The following STK10 variants were observed in gnomAD, a reference collection of about 807,000 sequenced individuals.
The protein encoded by STK10 is serine/threonine kinase 10.
A neutral mutation model predicts 113.8 loss-of-function variants in STK10; 78 were observed. That is an observed-to-expected ratio of 0.69 (90% CI 0.57 to 0.83). The LOEUF (loss-of-function observed/expected upper bound fraction) is 0.83. STK10 is among the 40% of genes least tolerant of loss of function. The probability of loss-of-function intolerance (pLI) is 0.00; values close to 1 mark genes in which losing one functional copy is unlikely to be tolerated. For missense variants in STK10, 1,109 were observed against 1,280.1 expected (o/e 0.87, Z 2.04); for synonymous variants, 465 against 494.7 (o/e 0.94, Z 0.80).
intron 12 of STK10, among the ~76,000 whole-genome samples, chr5:172,078,845 G>C (rs1268410191): frequency 3.3e-5 from 5 of 151,716 alleles, no homozygotes; most frequent in Non-Finnish European, 5.9e-5. Context: ...CTTTGTTAAG[G>C]GCAAGTTCTG....
chr5:172,052,971 C>T lies in STK10; in HGVS notation c.2724G>A (p.Gln908=). ...KLKALDESHN[Q]NLKEWRDKLR... The stretch of plus-strand genomic sequence containing the variant: ...GCTTGTCCCGCCATTCCTTCAGGTT[C>T]TGGTTATGGCTCTCATCCAGGGCCT... The change falls in exon 18 of 19, where the codon CAG becomes CAA. Residue 908 remains glutamine, a synonymous_variant. Coordinates refer to ENST00000176763, the MANE Select transcript of STK10 (RefSeq NM_005990.4). 6.2e-7 allele frequency: 1 copy of T among 1,614,248 alleles called. No individual in the cohort carries two copies. Among genetic ancestry groups the T allele is most frequent in the East Asian group, 2.2e-5 (1 of 44,892 alleles).
chr5:172,091,569 T>C (rs1267088453), intron 9 of STK10, among the ~76,000 whole-genome samples: 1 of 151,104 alleles, frequency 6.6e-6, no homozygotes, highest in Non-Finnish European at 1.5e-5. Context: ...CTCGCTCTGT[T>C]GCCCAGGCTG....
In STK10 at chr5:172,082,337, T is replaced by C. The variant is rs771916616; in HGVS notation, c.1978A>G (p.Met660Val). The C allele has an allele frequency of 2.6e-6, 4 of 1,562,222 alleles. No individual in the cohort carries two copies. Among genetic ancestry groups the C allele is most frequent in the South Asian group, 1.2e-5 (1 of 83,946 alleles). Residue 660 changes from methionine to valine, a missense_variant, in exon 12 of 19, where the codon ATG (methionine) becomes GTG (valine). By Grantham distance (21) the Met-to-Val change is conservative (BLOSUM62 1). Around this residue, in one of 5 missense-constraint regions of STK10, gnomAD observed 885 missense variants for 991.1 expected, o/e 0.89. Coordinates refer to ENST00000176763, the MANE Select transcript of STK10 (RefSeq NM_005990.4). The surrounding 1 kb of genome is among the most constrained non-coding windows in gnomAD (Gnocchi z 4.3). ...YTRFQEQLKL[M>V]KKEVKNEVEK... ...GAGCACATACTCACCTCTTTCTTCA[T>C]CAGTTTGAGCTGCTCTTGGAACCTG...
chr5:172,181,211 T>C (rs1283358105), intron 1 of STK10, among the ~76,000 whole-genome samples: 1 of 152,194 alleles, frequency 6.6e-6, no homozygotes. Context: ...TCAGGTAAAA[T>C]GCCTACTTAC....
At chr5:172,104,140 C>G (rs890277923) in intron 7 of STK10, among the ~76,000 whole-genome samples, 62 of 152,232 alleles carry the variant, frequency 4.1e-4, no homozygotes, top group African/African-American at 1.4e-3. Context: ...GGTGTGGCGC[C>G]TTCCTCCCCT....
At chr5:172,066,951 G>A (rs145736627) in intron 12 of STK10, among the ~76,000 whole-genome samples, 1 of 152,174 alleles carries the variant, frequency 6.6e-6, no homozygotes, top group East Asian at 1.9e-4. Flanking sequence ...ACTACCCACA[G>A]AAGATCAGAC....
intron 4 of STK10, chr5:172,114,998 C>G (rs1474372355): frequency 6.6e-6 from 1 of 152,580 alleles, no homozygotes; most frequent in East Asian, 1.9e-4. Context: ...TCACTTACTT[C>G]CCCTCTGCTG....
intron 1 of STK10, among the ~76,000 whole-genome samples, chr5:172,178,958 T>A (rs1401001683): frequency 6.6e-6 from 1 of 152,190 alleles, no homozygotes; most frequent in South Asian, 2.1e-4. Context: ...GAACACCCTA[T>A]AATGTACGTA....
At position 172,147,040 on chromosome 5, in the gene STK10, G is replaced by A. The variant is rs148957598; in HGVS notation, c.321+9584C>T. 2.0e-5 allele frequency among the ~76,000 whole-genome samples: 3 copies of A among 152,314 alleles called. No individual in the cohort carries two copies. The East Asian group carries it at 5.8e-4, about 29-fold the overall frequency. Reference sequence around the variant, plus strand: ...ACTGGCTTCCAGTTGGGGTTCCCACGAACCCTGCTTTGAATTTGGTTAATT... The same window carrying A: ...ACTGGCTTCCAGTTGGGGTTCCCACAAACCCTGCTTTGAATTTGGTTAATT... On this transcript the variant is annotated intron_variant, in intron 2 of 18. Coordinates refer to ENST00000176763, the MANE Select transcript of STK10 (RefSeq NM_005990.4).
intron 13 of STK10, chr5:172,063,462 C>A (rs1197484606): frequency 6.6e-6 from 1 of 152,088 alleles, no homozygotes; most frequent in African/African-American, 2.4e-5. Context: ...TATTTGTGAA[C>A]CTCTGTGATA....
chr5:172,082,840 G>A lies in STK10; in HGVS notation c.1809+121C>T. ...GCCTAACAAGATCGGGAAGCCCCCAGGAATTGGGCAATTGTTGTGAATTAC... is the reference window on the plus strand; with the variant it reads ...GCCTAACAAGATCGGGAAGCCCCCAAGAATTGGGCAATTGTTGTGAATTAC... On this transcript the variant is annotated intron_variant, in intron 11 of 18. Transcript: ENST00000176763. This position sits in a 1 kb window ranked among gnomAD's most constrained non-coding sequence, Gnocchi z 4.3. 4 of 1,462,284 alleles carry A rather than the reference G, an allele frequency of 2.7e-6. No homozygotes were observed. Among genetic ancestry groups the A allele is most frequent in the Admixed American group, 2.2e-5 (1 of 44,974 alleles). 90.6% of individuals were successfully genotyped at this position (1,462,284 alleles called of 1,614,324 possible). A position where few individuals can be genotyped will look rare whatever the true frequency, so the allele number is the denominator to read the frequency against.
chr5:172,142,414 G>A (rs374532086), intron 2 of STK10, among the ~76,000 whole-genome samples: 2 of 152,156 alleles, frequency 1.3e-5, no homozygotes, highest in East Asian at 1.9e-4. Flanking sequence ...AAGAGAACCC[G>A]ATGTGTGCAG....
intron 12 of STK10, among the ~76,000 whole-genome samples, chr5:172,072,453 A>C (rs28809783): frequency 0.21 from 31,727 of 151,984 alleles, 4,289 homozygotes; most frequent in African/African-American, 0.38. Context: ...TTTTTAGTAG[A>C]GATGGGGTTT....
Position 172,054,728 on chromosome 5 carries a change from C to T in STK10, c.2527-34G>A, listed in dbSNP as rs759097043. The T allele has an allele frequency of 2.0e-5, 32 of 1,604,224 alleles. No homozygotes were observed. The South Asian group carries it at 3.2e-4, about 16-fold the overall frequency. On this transcript the variant is annotated intron_variant, in intron 16 of 18. Coordinates refer to ENST00000176763, the MANE Select transcript of STK10 (RefSeq NM_005990.4). ...GAGAGAGGGTGGGTGCCTCAGGGGA[C>T]CAGGGCCTGGCTGGTTGGGTAGGGA...
At position 172,090,251 on chromosome 5, in the gene STK10, C is replaced by T. The variant is rs548686825; in HGVS notation, c.1666G>A (p.Glu556Lys). Residue 556 changes from glutamate to lysine, a missense_variant, in exon 10 of 19, where the codon GAG becomes AAG. By Grantham distance (56) the Glu-to-Lys change is moderately conservative. Around this residue, in one of 5 missense-constraint regions of STK10, gnomAD observed 885 missense variants for 991.1 expected, o/e 0.89. Coordinates refer to ENST00000176763, the MANE Select transcript of STK10 (RefSeq NM_005990.4). The stretch of plus-strand genomic sequence containing the variant: ...GCTTGCCTGAGAAATCTCATCTCCT[C>T]ATCCTTCTTCTCATCTTCGCTGATG... ...KIISEDEKKD[E>K]EMRFLRRQEL... The T allele has an allele frequency of 5.6e-6, 9 of 1,614,066 alleles. No homozygotes were observed. In the African/African-American group the frequency reaches 9.3e-5, roughly 17 times the overall value.
At chr5:172,172,394 T>C (rs1770677775) in intron 1 of STK10, among the ~76,000 whole-genome samples, 1 of 152,150 alleles carries the variant, frequency 6.6e-6, no homozygotes. Context: ...TGTCAAATGC[T>C]CTCCAAATGG....
intron 10 of STK10, among the ~76,000 whole-genome samples, chr5:172,085,672 G>C (rs1194029531): frequency 6.8e-6 from 1 of 147,472 alleles, no homozygotes; most frequent in African/African-American, 2.6e-5. Flanking sequence ...CTGGGCGACA[G>C]AGTGAGACTC....
chr5:172,150,437 C>T lies in STK10; in HGVS notation c.321+6187G>A, dbSNP rs1278158861. ...CAGAGGTTGCAGTGAGCCGAGATCA[C>T]GCCACTGCACTCCAGCCTGGGCAAC... On this transcript the variant is annotated intron_variant, in intron 2 of 18. Transcript: ENST00000176763. 2.7e-5 allele frequency among the ~76,000 whole-genome samples: 4 copies of T among 150,842 alleles called. No individual in the cohort carries two copies. In the East Asian group the frequency reaches 5.8e-4, roughly 22 times the overall value.
At chr5:172,048,460 C>G (rs1407976867) in intron 18 of STK10, among the ~76,000 whole-genome samples, 1 of 150,678 alleles carries the variant, frequency 6.6e-6, no homozygotes, top group Admixed American at 6.6e-5. Flanking sequence ...CACATCCTCT[C>G]TCTATCTTGG....
Sources: gnomAD v4.1 joint callset for allele counts (sites outside exome capture counted in the v4.1 genomes callset) on GRCh38, gnomAD v4.1.1 for gene constraint, gnomAD v4.1.1 regional missense constraint, Gnocchi (gnomAD v3.1) non-coding constraint, MANE v1.5 for transcripts, NCBI Gene and HGNC (gene_info 2026-07-23, HGNC 2026-07-21) for gene names.